The following PGBD5 variants were observed in gnomAD, a reference collection of about 807,000 sequenced individuals.
PGBD5 encodes piggyBac transposable element-derived protein 5.
PGBD5 carries 14 observed loss-of-function variants against 47.9 expected under a neutral mutation model. The ratio of observed to expected loss-of-function variants is 0.29; its 90% CI spans 0.19 to 0.46. PGBD5 has a LOEUF of 0.46. Among genes scored for constraint, PGBD5 ranks in the 20% least tolerant of loss-of-function variants. The pLI is 1.00. For missense variants in PGBD5, 635 were observed against 716.0 expected (o/e 0.89, Z 1.29); for synonymous variants, 316 against 306.3 (o/e 1.03, Z -0.33).
intron 2 of PGBD5, among the ~76,000 whole-genome samples, chr1:230,352,688 G>A (rs903440422): frequency 7.9e-5 from 12 of 152,224 alleles, no homozygotes; most frequent in South Asian, 6.2e-4. Context: ...TAGCTGCAAC[G>A]TCTCCCCTGG....
intron 1 of PGBD5, among the ~76,000 whole-genome samples, chr1:230,362,530 C>T (rs1354464130): frequency 4.6e-5 from 7 of 152,184 alleles, no homozygotes; most frequent in Non-Finnish European, 8.8e-5. Context: ...GGGGAACCTC[C>T]TGACCCCCAG....
At chr1:230,377,313 GA>G (rs1668028513) in intron 1 of PGBD5, among the ~76,000 whole-genome samples, 1 of 152,208 alleles carries the variant, frequency 6.6e-6, no homozygotes, top group South Asian at 2.1e-4. Flanking sequence ...CAGAATCAGA[GA>G]GGTGAGCAGT....
intron 1 of PGBD5, among the ~76,000 whole-genome samples, chr1:230,386,186 G>A (rs1656632420): frequency 6.6e-6 from 1 of 152,054 alleles, no homozygotes; most frequent in Non-Finnish European, 1.5e-5. Flanking sequence ...AGGTGTGGTG[G>A]TGCATGCCTG....
intron 3 of PGBD5, among the ~76,000 whole-genome samples, chr1:230,344,728 G>A (rs146699324): frequency 1.3e-5 from 2 of 152,190 alleles, no homozygotes; most frequent in East Asian, 1.9e-4. Flanking sequence ...TCTTTTGCTT[G>A]GGGGTTACCA....
At chr1:230,405,840 T>C (rs1180329414) in intron 1 of PGBD5, among the ~76,000 whole-genome samples, 1 of 152,214 alleles carries the variant, frequency 6.6e-6, no homozygotes, top group East Asian at 1.9e-4. Context: ...ATTTGATGGG[T>C]GATTGTTGTC....
chr1:230,346,328 A>G (rs900828988), intron 3 of PGBD5, among the ~76,000 whole-genome samples: 2 of 152,192 alleles, frequency 1.3e-5, no homozygotes, highest in African/African-American at 4.8e-5. Context: ...GGTGTGAGCC[A>G]CTGTGCTTAA....
chr1:230,319,265 G>C lies in PGBD5; in HGVS notation c.*4160C>G, dbSNP rs376046719. The stretch of plus-strand genomic sequence containing the variant: ...GCAGAAGGGCCACCCCAAGCCGCCT[G>C]GAAGTGTGCCTGCCTGTTAGCCACC... On this transcript the variant is annotated 3_prime_UTR_variant, in exon 7 of 7. Coordinates refer to ENST00000391860, the MANE Select transcript of PGBD5 (RefSeq NM_001258311.2). The C allele has an allele frequency of 2.6e-5, 4 of 152,348 alleles. No individual in the cohort carries two copies. The East Asian group carries it at 5.8e-4, about 22-fold the overall frequency. The allele number at this position is 152,348 out of a possible 1,614,324, so 9.4% of individuals were successfully genotyped here. A position where few individuals can be genotyped will look rare whatever the true frequency, so the allele number is the denominator to read the frequency against.
At chr1:230,408,641 G>A (rs561088640) in intron 1 of PGBD5, among the ~76,000 whole-genome samples, 66 of 152,206 alleles carry the variant, frequency 4.3e-4, no homozygotes, top group African/African-American at 1.4e-3. Context: ...AATTAATGGT[G>A]CTGAAGCAAC....
rs544548793 is a variant in PGBD5, at chr1:230,361,784, C to T, written c.332-4463G>A. Among the ~76,000 whole-genome samples, 7 of 152,320 alleles carry T rather than the reference C, an allele frequency of 4.6e-5. No individual in the cohort carries two copies. The South Asian group carries it at 1.5e-3, about 32-fold the overall frequency. Reference sequence around the variant, plus strand: ...GCTGACTGGGAGTAAGAGCAGCAGGCAGCAGGAGCTGGGACCCAGGCTCAG... The same window carrying T: ...GCTGACTGGGAGTAAGAGCAGCAGGTAGCAGGAGCTGGGACCCAGGCTCAG... On this transcript the variant is annotated intron_variant, in intron 1 of 6. Coordinates refer to ENST00000391860, the MANE Select transcript of PGBD5 (RefSeq NM_001258311.2).
chr1:230,336,656 A>C (rs969081711), intron 4 of PGBD5, among the ~76,000 whole-genome samples: 8 of 152,188 alleles, frequency 5.3e-5, no homozygotes, highest in Non-Finnish European at 1.2e-4. Flanking sequence ...CGGAGTACCT[A>C]AGGCTTTTCT....
chr1:230,413,768 C>T (rs371431488), intron 1 of PGBD5, among the ~76,000 whole-genome samples: 2 of 152,242 alleles, frequency 1.3e-5, no homozygotes, highest in African/African-American at 2.4e-5. Context: ...GCACCTCTTA[C>T]GCTGCATCAC....
At chr1:230,396,444 C>T (rs1340241948) in intron 1 of PGBD5, among the ~76,000 whole-genome samples, 1 of 129,160 alleles carries the variant, frequency 7.7e-6, no homozygotes, top group African/African-American at 3.0e-5. Flanking sequence ...CCCTTTCACT[C>T]TCTATCCTCC....
At position 230,332,865 on chromosome 1, in the gene PGBD5, C is replaced by T; in HGVS notation, c.1252G>A (p.Ala418Thr). 1 of 1,614,180 alleles carries T rather than the reference C, an allele frequency of 6.2e-7. No individual in the cohort carries two copies. The highest frequency in any genetic ancestry group is 8.5e-7 in the Non-Finnish European group (1 of 1,180,022). ...NKGHFRFLTN[A>T]YSPVQQGVII... ...TCACCCTGCTGCACCGGGGAGTAGG[C>T]GTTGGTCAGGAAGCGGAAGTGTCCT... Residue 418 changes from alanine to threonine, a missense_variant, in exon 5 of 7, where the codon GCC becomes ACC. Ala to Thr is a moderately conservative substitution (Grantham distance 58, BLOSUM62 0). Transcript: ENST00000391860.
intron 4 of PGBD5, among the ~76,000 whole-genome samples, chr1:230,335,050 C>T (rs1430030114): frequency 6.9e-6 from 1 of 144,872 alleles, no homozygotes; most frequent in African/African-American, 2.5e-5. Context: ...CAGGTACACA[C>T]ACAGACACAA....
In PGBD5 at chr1:230,378,448, T is replaced by C. The variant is rs116077912; in HGVS notation, c.332-21127A>G. On this transcript the variant is annotated intron_variant, in intron 1 of 6. Coordinates refer to ENST00000391860, the MANE Select transcript of PGBD5 (RefSeq NM_001258311.2). ...AATCTCCCAGTTACCTGGAGCCACA[T>C]TGCTAGTTCATATATGCTCACCTAC... Among the ~76,000 whole-genome samples the C allele has an allele frequency of 2.2e-3, 340 of 152,346 alleles. 1 individual carries two copies. Among genetic ancestry groups the C allele is most frequent in the African/African-American group, 7.8e-3 (323 of 41,590 alleles).
chr1:230,331,815 C>T (rs1441750094), intron 5 of PGBD5, among the ~76,000 whole-genome samples: 3 of 151,846 alleles, frequency 2.0e-5, no homozygotes, highest in Admixed American at 2.0e-4. Flanking sequence ...TCAACTGATC[C>T]TAGACACAGC....
At chr1:230,374,509 C>A (rs1667981991) in intron 1 of PGBD5, among the ~76,000 whole-genome samples, 1 of 152,202 alleles carries the variant, frequency 6.6e-6, no homozygotes, top group Non-Finnish European at 1.5e-5. Context: ...CTTTGTCTTG[C>A]AAATCAGAAT....
chr1:230,416,992 TAAG>T (rs1657531677), intron 1 of PGBD5, among the ~76,000 whole-genome samples: 1 of 152,200 alleles, frequency 6.6e-6, no homozygotes, highest in Admixed American at 6.5e-5. Context: ...GGCAATGATA[TAAG>T]AAGTGGAAGG....
intron 3 of PGBD5, among the ~76,000 whole-genome samples, chr1:230,341,183 T>C (rs930532576): frequency 2.4e-4 from 36 of 151,972 alleles, no homozygotes; most frequent in African/African-American, 8.5e-4. Context: ...TTTAAATAAA[T>C]ACAAAAAAGA....
Sources: gnomAD v4.1 joint callset for allele counts (sites outside exome capture counted in the v4.1 genomes callset) on GRCh38, gnomAD v4.1.1 for gene constraint, MANE v1.5 for transcripts, NCBI Gene and HGNC (gene_info 2026-07-23, HGNC 2026-07-21) for gene names.